The following VRK2 variants were observed in gnomAD, a reference collection of about 807,000 sequenced individuals.
VRK2 encodes the protein serine/threonine-protein kinase VRK2.
In VRK2, 60 loss-of-function variants were observed where a neutral mutation model predicts 57.6. The ratio of observed to expected loss-of-function variants is 1.04; its 90% CI spans 0.85 to 1.29. The LOEUF (loss-of-function observed/expected upper bound fraction) is 1.29. VRK2 is among the 50% of genes most tolerant of loss of function. The probability of loss-of-function intolerance (pLI) is 0.00; values close to 1 mark genes in which losing one functional copy is unlikely to be tolerated. For missense variants in VRK2, 705 were observed against 588.1 expected, an observed-to-expected ratio of 1.20 and a Z score of -2.06; for synonymous variants, 231 against 199.2, an observed-to-expected ratio of 1.16 and a Z score of -1.35.
intron 7 of VRK2, among the ~76,000 whole-genome samples, chr2:58,096,513 G>A (rs1673154831): frequency 6.6e-6 from 1 of 151,754 alleles, no homozygotes; most frequent in Admixed American, 6.6e-5. Context: ...TATTTGTGCG[G>A]TGGTCTGCAT....
intron 2 of VRK2, among the ~76,000 whole-genome samples, chr2:58,077,598 C>A (rs1304927847): frequency 6.6e-6 from 1 of 151,890 alleles, no homozygotes; most frequent in African/African-American, 2.4e-5. Context: ...CCAAAAGTGA[C>A]CACTCTTAAA....
At chr2:58,036,985 C>T (rs372097940) in intron 3 of VRK2, among the ~76,000 whole-genome samples, 43 of 152,066 alleles carry the variant, frequency 2.8e-4, no homozygotes, top group Middle Eastern at 3.4e-3. Context: ...GTTGCCTAGT[C>T]TGGAGTGTAG....
intron 11 of VRK2, among the ~76,000 whole-genome samples, chr2:58,144,813 G>T (rs1468415782): frequency 6.6e-6 from 1 of 151,982 alleles, no homozygotes; most frequent in African/African-American, 2.4e-5. Context: ...TTACTGAAAG[G>T]CAGTGGTTTT....
chr2:58,134,848 G>A lies in VRK2; in HGVS notation c.798-293G>A, dbSNP rs1679777622. ...TTTGTTATACTTTCTCCTGTTAACT[G>A]GTCTTTTGTTATAGGAATGTTGGCT... On this transcript the variant is annotated intron_variant, in intron 9 of 12. Transcript: ENST00000340157. Among the ~76,000 whole-genome samples the A allele has an allele frequency of 4.6e-5, 7 of 152,172 alleles. No homozygotes were observed. The South Asian group carries it at 1.5e-3, about 32-fold the overall frequency.
At chr2:57,952,701 G>A (rs1671463233) in intron 1 of VRK2, among the ~76,000 whole-genome samples, 1 of 150,886 alleles carries the variant, frequency 6.6e-6, no homozygotes, top group African/African-American at 2.4e-5. Flanking sequence ...AACCTAAGGA[G>A]ATGGGGAGAG....
intron 1 of VRK2, among the ~76,000 whole-genome samples, chr2:57,928,780 C>T (rs1670624279): frequency 6.6e-6 from 1 of 152,184 alleles, no homozygotes; most frequent in Non-Finnish European, 1.5e-5. Context: ...ATCCAAAGCC[C>T]AGTAATGCTG....
At chr2:57,992,768 C>T (rs2104087848) in intron 1 of VRK2, among the ~76,000 whole-genome samples, 1 of 151,936 alleles carries the variant, frequency 6.6e-6, no homozygotes, top group East Asian at 1.9e-4. Flanking sequence ...GATCTCCTGA[C>T]CTCATGATCC....
chr2:57,977,907 G>T (rs995550874), intron 1 of VRK2, among the ~76,000 whole-genome samples: 1 of 151,032 alleles, frequency 6.6e-6, no homozygotes, highest in African/African-American at 2.5e-5. Flanking sequence ...TGACTAGTTT[G>T]TTGAGGGTAT....
intron 1 of VRK2, among the ~76,000 whole-genome samples, chr2:57,978,704 C>CT (rs1224847695): frequency 6.8e-6 from 1 of 147,234 alleles, no homozygotes; most frequent in Non-Finnish European, 1.5e-5. Context: ...TTCTTTCTTC[C>CT]TTTTTCTTTT....
chr2:58,030,576 T>C (rs1404752204), intron 2 of VRK2, among the ~76,000 whole-genome samples: 1 of 152,084 alleles, frequency 6.6e-6, no homozygotes, highest in Non-Finnish European at 1.5e-5. Flanking sequence ...AAATGCCTGT[T>C]AGACCCCAGT....
At chr2:58,087,784 C>T (rs542950811) in intron 5 of VRK2, among the ~76,000 whole-genome samples, 16 of 152,172 alleles carry the variant, frequency 1.1e-4, no homozygotes, top group Admixed American at 7.2e-4. Context: ...GTCAAGAGGT[C>T]GAGACCATCC....
intron 1 of VRK2, among the ~76,000 whole-genome samples, chr2:58,011,988 A>G (rs1673430611): frequency 6.6e-6 from 1 of 152,210 alleles, no homozygotes; most frequent in Non-Finnish European, 1.5e-5. Flanking sequence ...CTCAAGACAC[A>G]CTGCCCCAAA....
At chr2:58,141,420 A>G (rs1245202571) in intron 11 of VRK2, among the ~76,000 whole-genome samples, 5 of 152,030 alleles carry the variant, frequency 3.3e-5, no homozygotes, top group Non-Finnish European at 7.4e-5. Context: ...TGTAGAGAAT[A>G]GAACATAAAA....
intron 2 of VRK2, among the ~76,000 whole-genome samples, chr2:58,062,640 C>A (rs1677522106): frequency 6.6e-6 from 1 of 152,086 alleles, no homozygotes; most frequent in Non-Finnish European, 1.5e-5. Context: ...ACAACATTCC[C>A]TTAAGCCAAA....
At chr2:57,982,971 C>A (rs1672477924) in intron 1 of VRK2, among the ~76,000 whole-genome samples, 1 of 152,156 alleles carries the variant, frequency 6.6e-6, no homozygotes, top group South Asian at 2.1e-4. Flanking sequence ...CAGCTAGGAT[C>A]CCAGAGGTCC....
At chr2:58,138,987 A>C (rs183005146) in intron 10 of VRK2, among the ~76,000 whole-genome samples, 240 of 152,074 alleles carry the variant, frequency 1.6e-3, no homozygotes, top group African/African-American at 5.6e-3. Context: ...CTTTTTGGGG[A>C]AAGGGGGTTT....
At chr2:58,047,722 C>T (rs1189822212) in intron 1 of VRK2, among the ~76,000 whole-genome samples, 1 of 151,232 alleles carries the variant, frequency 6.6e-6, no homozygotes. Flanking sequence ...AGTTCACCAT[C>T]CAAATTCCCA....
intron 2 of VRK2, chr2:58,058,476 G>A (rs1676857731): frequency 2.2e-6 from 1 of 462,688 alleles, no homozygotes; most frequent in Non-Finnish European, 4.5e-6. Context: ...AGAGAACATA[G>A]CTTCCATTTC....
chr2:58,094,977 T>C (rs1486421159), intron 7 of VRK2, among the ~76,000 whole-genome samples: 1 of 152,222 alleles, frequency 6.6e-6, no homozygotes, highest in African/African-American at 2.4e-5. Context: ...GGATTTTCTG[T>C]ATTATTTTGT....
Sources: allele counts gnomAD v4.1 joint callset (sites outside exome capture counted in the v4.1 genomes callset), GRCh38; gene constraint gnomAD v4.1.1; transcripts MANE v1.5; gene names NCBI Gene and HGNC (gene_info 2026-07-23, HGNC 2026-07-21).